HDLBP: variants seen among roughly 807,000 people sequenced by gnomAD.
HDLBP encodes high density lipoprotein binding protein, also known as vigilin.
A neutral mutation model predicts 137.3 loss-of-function variants in HDLBP; 30 were observed. The ratio of observed to expected loss-of-function variants is 0.22; its 90% CI spans 0.16 to 0.30. HDLBP has a LOEUF of 0.30. Ranked by LOEUF, HDLBP falls within the 10% of genes least tolerant of loss-of-function variation. The pLI, the probability that HDLBP is intolerant of heterozygous loss-of-function variation, is 1.00. For synonymous variants in HDLBP, 606 were observed against 596.0 expected (o/e 1.02, Z -0.24); for missense variants, 1,119 against 1,667.3 (o/e 0.67, Z 5.73).
intron 3 of HDLBP, 138 bp from the exon 4 acceptor site, chr2:241,264,743 T>C: frequency 1.3e-6 from 1 of 798,346 alleles, no homozygotes; most frequent in Non-Finnish European, 2.0e-6. Flanking sequence ...CACCCCTCTC[T>C]TCTAATTCAT....
intron 1 of HDLBP, chr2:241,271,025 A>G (rs956624073): frequency 3.0e-6 from 3 of 985,360 alleles, no homozygotes; most frequent in Non-Finnish European, 3.6e-6. Flanking sequence ...CCACCCCTGC[A>G]TGGCTGTAAA....
intron 4 of HDLBP, among the ~76,000 whole-genome samples, chr2:241,264,056 A>G (rs1020851494): frequency 7.3e-6 from 1 of 137,658 alleles, no homozygotes; most frequent in Non-Finnish European, 1.7e-5. Flanking sequence ...AAGAACAGCA[A>G]TTAATTTTTA....
chr2:241,264,154 G>C (rs552264353), intron 4 of HDLBP, among the ~76,000 whole-genome samples: 18 of 151,996 alleles, frequency 1.2e-4, no homozygotes, highest in Admixed American at 1.0e-3. Flanking sequence ...ACGAGGTCAG[G>C]AGATGGAGAC....
At chr2:241,264,397 CAT>C in intron 4 of HDLBP, 49 bp downstream of exon 4, 1 of 1,231,478 alleles carries the variant, frequency 8.1e-7, no homozygotes, top group East Asian at 2.4e-5. Context: ...TAAAAATTTA[CAT>C]AGACATGTTA....
At chr2:241,243,487 G>C (rs985415369) in intron 16 of HDLBP, 1 of 152,546 alleles carries the variant, frequency 6.6e-6, no homozygotes, top group African/African-American at 2.4e-5. Flanking sequence ...GCCTGGTACA[G>C]TACCTGCAGC....
chr2:241,236,663 G>C lies in HDLBP; in HGVS notation c.2856C>G (p.Ile952Met), dbSNP rs143341723. Residue 952 changes from isoleucine to methionine, a missense_variant, in exon 21 of 28, where the codon ATC becomes ATG. By Grantham distance (10) the Ile-to-Met change is conservative (BLOSUM62 1). Coordinates refer to ENST00000310931, the MANE Select transcript of HDLBP (RefSeq NM_005336.6). ...PGSPRRCDII[I>M]ISGRKEKCEA... Reference sequence around the variant, plus strand: ...CACACTTTTCTTTCCGGCCAGAGATGATGATGATGTCACACCTCCTTGGAG... The same window carrying C: ...CACACTTTTCTTTCCGGCCAGAGATCATGATGATGTCACACCTCCTTGGAG... 1.8e-4 allele frequency: 294 copies of C among 1,614,032 alleles called. 1 individual carries two copies. The highest frequency in any genetic ancestry group is 2.4e-4 in the Non-Finnish European group (282 of 1,180,026).
At chr2:241,250,138 C>G in intron 11 of HDLBP, 158 bp from the exon 12 acceptor site, 1 of 676,538 alleles carries the variant, frequency 1.5e-6, no homozygotes. Flanking sequence ...TCTCCATTGT[C>G]TAGAATGGGG....
In HDLBP at chr2:241,227,419, A is replaced by C. The variant is rs929893837; in HGVS notation, c.*2182T>G. 5 of 152,574 alleles carry C rather than the reference A, an allele frequency of 3.3e-5. No homozygotes were observed. The highest frequency in any genetic ancestry group is 9.7e-5 in the African/African-American group (4 of 41,442). The allele number at this position is 152,574 out of a possible 1,614,324, so 9.5% of individuals were successfully genotyped here. A position where few individuals can be genotyped will look rare whatever the true frequency, so the allele number is the denominator to read the frequency against. On this transcript the variant is annotated 3_prime_UTR_variant, in exon 28 of 28. Transcript: ENST00000310931. Reference sequence around the variant, plus strand: ...GCCAAGGGATGGATTGTAGCTATGGAAACAGATGATATGGAAGACATCCAA... The same window carrying C: ...GCCAAGGGATGGATTGTAGCTATGGCAACAGATGATATGGAAGACATCCAA...
At chr2:241,249,618 G>C (rs2071957582) in intron 12 of HDLBP, among the ~76,000 whole-genome samples, 1 of 152,234 alleles carries the variant, frequency 6.6e-6, no homozygotes, top group Non-Finnish European at 1.5e-5. Flanking sequence ...CACAGTCTCT[G>C]TGCCCTTCTA....
rs567281877 is a variant in HDLBP at position 241,266,901 on chromosome 2, A to C, written c.-32T>G. The C allele has an allele frequency of 6.2e-7, 1 of 1,609,816 alleles. No individual in the cohort carries two copies. Among genetic ancestry groups the C allele is most frequent in the Admixed American group, 1.7e-5 (1 of 60,020 alleles). On this transcript the variant is annotated 5_prime_UTR_variant, in exon 3 of 28. Transcript: ENST00000310931. ...TCTCACACCTACACACAATCCGGGA[A>C]AACCACTAAAGCAAAGAAGAATAAA...
At chr2:241,297,075 G>A (rs2075205856) in intron 1 of HDLBP, among the ~76,000 whole-genome samples, 1 of 152,064 alleles carries the variant, frequency 6.6e-6, no homozygotes, top group African/African-American at 2.4e-5. Flanking sequence ...AAATGAAAAT[G>A]ATCAAGCTGC....
At position 241,240,242 on chromosome 2, in the gene HDLBP, G is replaced by A. The variant is rs2071071003; in HGVS notation, c.2170-120C>T. The A allele has an allele frequency of 1.1e-6, 1 of 946,160 alleles. No homozygotes were observed. The highest frequency in any genetic ancestry group is 1.7e-6 in the Non-Finnish European group (1 of 585,686). The allele number at this position is 946,160 out of a possible 1,614,324, so 58.6% of individuals were successfully genotyped here. ...CCCCTTACATTGTCACCAGTGTCCT[G>A]ATGTTGCACCAATACCCCCAAAATG... On this transcript the variant is annotated intron_variant, in intron 17 of 27. Coordinates refer to ENST00000310931, the MANE Select transcript of HDLBP (RefSeq NM_005336.6). The surrounding 1 kb of genome is among the most constrained non-coding windows in gnomAD (Gnocchi z 5.5).
At chr2:241,251,925 T>A (rs191020301) in intron 11 of HDLBP, among the ~76,000 whole-genome samples, 3 of 152,218 alleles carry the variant, frequency 2.0e-5, no homozygotes, top group Non-Finnish European at 4.4e-5. Context: ...TGCAGTGAAC[T>A]GAGATCACGC....
Position 241,239,641 on chromosome 2 carries a change from C to T in HDLBP, c.2571G>A (p.Glu857=). Residue 857 remains glutamate (E), a synonymous_variant, in exon 19 of 28, where the codon GAG becomes GAA. Transcript: ENST00000310931. This position sits in a 1 kb window ranked among gnomAD's most constrained non-coding sequence, Gnocchi z 4.6. ...VTLKGAKDCV[E]AAKKRIQEII... ...TCTCCTGAATGCGTTTCTTGGCTGC[C>T]TCCACACAGTCCTTGGCGCCCTTGA... 1 of 1,614,230 alleles carries T rather than the reference C, an allele frequency of 6.2e-7. No homozygotes were observed.
intron 1 of HDLBP, chr2:241,270,842 C>T (rs986019737): frequency 2.0e-5 from 8 of 396,910 alleles, no homozygotes; most frequent in Non-Finnish European, 2.7e-5. Context: ...CCCAGGATAC[C>T]TTGGGCAGGC....
In HDLBP at chr2:241,279,816, G is replaced by A. The variant is rs912582678; in HGVS notation, c.-102-11275C>T. The A allele has an allele frequency of 3.2e-5, 20 of 633,190 alleles. No individual in the cohort carries two copies. The African/African-American group carries it at 3.8e-4, about 12-fold the overall frequency. The allele number at this position is 633,190 out of a possible 1,614,324, so 39.2% of individuals were successfully genotyped here. On this transcript the variant is annotated intron_variant, in intron 1 of 27. Coordinates refer to ENST00000310931, the MANE Select transcript of HDLBP (RefSeq NM_005336.6). ...GGCAAAAGGAAATATGTACAAGAAT[G>A]CTCATCTCACTGCACTGCTAGTAAT...
Position 241,272,515 on chromosome 2 carries a change from G to C in HDLBP, c.-102-3974C>G. 1.0e-6 allele frequency: 1 copy of C among 984,596 alleles called. No homozygotes were observed. The highest frequency in any genetic ancestry group is 1.2e-6 in the Non-Finnish European group (1 of 829,688). The allele number at this position is 984,596 out of a possible 1,614,324, so 61.0% of individuals were successfully genotyped here. On this transcript the variant is annotated intron_variant, in intron 1 of 27. Coordinates refer to ENST00000310931, the MANE Select transcript of HDLBP (RefSeq NM_005336.6). This position sits in a 1 kb window ranked among gnomAD's most constrained non-coding sequence, Gnocchi z 5.6. ...AGAAAGTTTGTGCGCGCCCCTCCGC[G>C]CCACGGCCACGCGCAGAAGAGACTC... is the stretch of plus-strand genomic sequence containing the variant.
intron 1 of HDLBP, chr2:241,270,963 T>C (rs1559530603): frequency 1.0e-6 from 1 of 984,164 alleles, no homozygotes. Flanking sequence ...TCTAATCCCA[T>C]TTCTTAATAC....
chr2:241,306,982 A>C (rs2149712472), intron 1 of HDLBP, among the ~76,000 whole-genome samples: 1 of 120,566 alleles, frequency 8.3e-6, no homozygotes, highest in South Asian at 3.1e-4. Context: ...AAAAAAAAAA[A>C]AAAAACGAGG....
Sources: allele counts gnomAD v4.1 joint callset (sites outside exome capture counted in the v4.1 genomes callset), GRCh38; gene constraint gnomAD v4.1.1; non-coding constraint Gnocchi (gnomAD v3.1); transcripts MANE v1.5; gene names NCBI Gene and HGNC (gene_info 2026-07-23, HGNC 2026-07-21).